Variants in EYS observed in about 807,000 individuals in gnomAD.
EYS encodes EGF-like photoreceptor maintenance factor.
In EYS, 250 loss-of-function variants were observed where a neutral mutation model predicts 282.1. The observed-to-expected ratio is 0.89, with a 90% confidence interval of 0.80 to 0.98. The LOEUF is 0.98. Ranked by LOEUF, EYS falls within the 50% of genes least tolerant of loss-of-function variation. The pLI is 0.00. For missense variants in EYS, 4,016 were observed against 3,709.0 expected, an observed-to-expected ratio of 1.08 and a Z score of -2.15; for synonymous variants, 1,355 against 1,282.9, an observed-to-expected ratio of 1.06 and a Z score of -1.20.
chr6:64,597,979 A>T (rs1002883275), intron 24 of EYS, among the ~76,000 whole-genome samples: 5 of 152,208 alleles, frequency 3.3e-5, no homozygotes, highest in African/African-American at 1.2e-4. Context: ...ATCCATTGAA[A>T]TATTACTATG....
At chr6:64,694,195 T>C (rs1770497912) in intron 22 of EYS, among the ~76,000 whole-genome samples, 1 of 152,212 alleles carries the variant, frequency 6.6e-6, no homozygotes, top group African/African-American at 2.4e-5. Context: ...TTTGCCAGCA[T>C]GACTTATTTA....
intron 22 of EYS, among the ~76,000 whole-genome samples, chr6:64,710,675 T>G (rs1771179979): frequency 6.6e-6 from 1 of 152,220 alleles, no homozygotes; most frequent in Non-Finnish European, 1.5e-5. Context: ...CCTGGACAAC[T>G]CATAGTCACC....
At chr6:64,240,398 T>C (rs1272012106) in intron 30 of EYS, among the ~76,000 whole-genome samples, 1 of 152,250 alleles carries the variant, frequency 6.6e-6, no homozygotes, top group Admixed American at 6.5e-5. Flanking sequence ...TGGAATGTTT[T>C]TCCATTTGCT....
At chr6:65,379,371 G>A (rs1005725403) in intron 8 of EYS, among the ~76,000 whole-genome samples, 7 of 152,054 alleles carry the variant, frequency 4.6e-5, no homozygotes, top group East Asian at 1.9e-4. Flanking sequence ...AAAGCCACAT[G>A]ATTATCCCAA....
In EYS at chr6:65,495,349, C is replaced by T. The variant is rs1271798099; in HGVS notation, c.62G>A (p.Gly21Glu). ...CACCAATTGCCGTCTACATGTTTTTCCATTTATGAAAGAGCTGTGAAAAAC... is the reference window on the plus strand; with the variant it reads ...CACCAATTGCCGTCTACATGTTTTTTCATTTATGAAAGAGCTGTGAAAAAC... ...LMVFHSSFIN[G>E]KTCRRQLVEE... Residue 21 changes from glycine (G) to glutamate (E), a missense_variant, in exon 4 of 43, where the codon GGA becomes GAA. Physicochemically the swap from Gly to Glu is moderately conservative, Grantham distance 98 (BLOSUM62 -2). Transcript: ENST00000503581. 9 of 1,613,628 alleles carry T rather than the reference C, an allele frequency of 5.6e-6. No homozygotes were observed. Among genetic ancestry groups the T allele is most frequent in the Non-Finnish European group, 7.6e-6 (9 of 1,180,004 alleles).
intron 14 of EYS, among the ~76,000 whole-genome samples, chr6:64,953,182 AATT>A (rs1447020419): frequency 6.6e-6 from 1 of 151,844 alleles, no homozygotes; most frequent in Non-Finnish European, 1.5e-5. Context: ...TATACATTAG[AATT>A]ATTGTATTTT....
In EYS at chr6:65,424,532, T is replaced by C. The variant is rs565964031; in HGVS notation, c.863-19165A>G. Among the ~76,000 whole-genome samples the C allele has an allele frequency of 2.0e-5, 3 of 152,138 alleles. No individual in the cohort carries two copies. The South Asian group carries it at 6.2e-4, about 32-fold the overall frequency. ...CATCCTCTTGTGCTTGAAAATATAT[T>C]ACAGATTTTCCATGTTTAATGAAAG... is the stretch of plus-strand genomic sequence containing the variant. On this transcript the variant is annotated intron_variant, in intron 5 of 42. Transcript: ENST00000503581.
At chr6:64,475,143 C>G (rs941117682) in intron 26 of EYS, among the ~76,000 whole-genome samples, 5 of 152,294 alleles carry the variant, frequency 3.3e-5, no homozygotes, top group Non-Finnish European at 7.3e-5. Flanking sequence ...ATAACTCTTT[C>G]CCAATGTCTC....
chr6:63,971,201 T>G (rs553143927), intron 35 of EYS, among the ~76,000 whole-genome samples: 2 of 152,302 alleles, frequency 1.3e-5, no homozygotes, highest in South Asian at 4.1e-4. Context: ...GACATCTAAG[T>G]AATCTCTTCT....
At chr6:64,583,901 T>A (rs2149826379) in intron 26 of EYS, among the ~76,000 whole-genome samples, 1 of 152,260 alleles carries the variant, frequency 6.6e-6, no homozygotes, top group South Asian at 2.1e-4. Flanking sequence ...AACATAATAA[T>A]TTCATTAAAA....
At chr6:65,419,869 C>T (rs1423644025) in intron 5 of EYS, among the ~76,000 whole-genome samples, 1 of 151,888 alleles carries the variant, frequency 6.6e-6, no homozygotes, top group Non-Finnish European at 1.5e-5. Flanking sequence ...AATGTTTTGG[C>T]TTCCCAATGC....
At chr6:64,269,853 G>T (rs1217184854) in intron 30 of EYS, among the ~76,000 whole-genome samples, 4 of 151,894 alleles carry the variant, frequency 2.6e-5, no homozygotes, top group African/African-American at 4.8e-5. Context: ...TGCAAGATAT[G>T]AGCAAGGTAT....
At chr6:65,426,544 C>A (rs949377487) in intron 5 of EYS, among the ~76,000 whole-genome samples, 7 of 152,072 alleles carry the variant, frequency 4.6e-5, no homozygotes, top group Non-Finnish European at 1.0e-4. Context: ...ATCCTATATT[C>A]TTTGGAGCAT....
Position 65,353,531 on chromosome 6 carries a change from T to G in EYS, c.1386A>C (p.Gly462=), listed in dbSNP as rs1183316553. 1 of 1,613,142 alleles carries G rather than the reference T, an allele frequency of 6.2e-7. No individual in the cohort carries two copies. The highest frequency in any genetic ancestry group is 1.7e-5 in the Admixed American group (1 of 59,956). ...YLIHQHLCYC[G]VTFHGICQDK... ...CTTGGCAAATACCATGGAAGGTGAC[T>G]CCACAGTAGCAGAGGTGTTGATGAA... Residue 462 remains glycine (G), a synonymous_variant, in exon 9 of 43, where the codon GGA becomes GGC. Coordinates refer to ENST00000503581, the MANE Select transcript of EYS (RefSeq NM_001142800.2).
intron 22 of EYS, among the ~76,000 whole-genome samples, chr6:64,771,957 A>AT (rs953859644): frequency 1.8e-4 from 28 of 151,666 alleles, no homozygotes; most frequent in African/African-American, 6.8e-4. Flanking sequence ...TATTTTAAAC[A>AT]TTTTTTCATC....
At chr6:64,546,449 A>G (rs1764872267) in intron 26 of EYS, among the ~76,000 whole-genome samples, 1 of 152,238 alleles carries the variant, frequency 6.6e-6, no homozygotes, top group Admixed American at 6.5e-5. Context: ...ACCATTCAGG[A>G]CATAGGCATG....
intron 12 of EYS, among the ~76,000 whole-genome samples, chr6:65,116,971 T>C (rs5007202): frequency 0.26 from 39,704 of 151,918 alleles, 6,341 homozygotes; most frequent in African/African-American, 0.45. Flanking sequence ...CCAATATTCC[T>C]TTCTTCCCAG....
At chr6:64,310,633 T>C (rs1165554585) in intron 29 of EYS, among the ~76,000 whole-genome samples, 6 of 152,176 alleles carry the variant, frequency 3.9e-5, no homozygotes, top group African/African-American at 1.2e-4. Context: ...GTAACTAATA[T>C]GTACTAGGCT....
At chr6:64,370,812 G>C (rs1269189247) in intron 29 of EYS, among the ~76,000 whole-genome samples, 1 of 152,040 alleles carries the variant, frequency 6.6e-6, no homozygotes, top group Non-Finnish European at 1.5e-5. Context: ...ATGCATAGAA[G>C]TGTTCATAAT....
Sources: allele counts gnomAD v4.1 joint callset (sites outside exome capture counted in the v4.1 genomes callset), GRCh38; gene constraint gnomAD v4.1.1; transcripts MANE v1.5; gene names NCBI Gene and HGNC (gene_info 2026-07-23, HGNC 2026-07-21).